The following SETDB1 variants were observed in gnomAD, a reference collection of about 807,000 sequenced individuals.
The protein encoded by SETDB1 is histone-lysine N-methyltransferase SETDB1.
SETDB1 carries 31 observed loss-of-function variants against 137.4 expected under a neutral mutation model. The ratio of observed to expected loss-of-function variants is 0.23; its 90% CI spans 0.17 to 0.30. SETDB1 has a LOEUF of 0.30. Among genes scored for constraint, SETDB1 ranks in the 10% least tolerant of loss-of-function variants. SETDB1 has a pLI of 1.00. For synonymous variants in SETDB1, 548 were observed against 579.9 expected (o/e 0.95, Z 0.79); for missense variants, 1,113 against 1,631.5 (o/e 0.68, Z 5.47).
intron 1 of SETDB1, 26 bp downstream of exon 1, chr1:150,926,543 T>TAAAAA: frequency 2.7e-6 from 1 of 363,758 alleles, no homozygotes; most frequent in South Asian, 2.1e-5. Context: ...TTGAGTTATT[T>TAAAAA]GGTGACCAAA....
intron 14 of SETDB1, among the ~76,000 whole-genome samples, chr1:150,954,134 G>C (rs587743654): frequency 6.6e-6 from 1 of 152,142 alleles, no homozygotes; most frequent in African/African-American, 2.4e-5. Context: ...GATTACAGGC[G>C]TGAGCCACCG....
intron 18 of SETDB1, 64 bp from the exon 19 acceptor site, chr1:150,962,910 A>G (rs1670867722): frequency 1.3e-6 from 2 of 1,569,092 alleles, no homozygotes; most frequent in Non-Finnish European, 1.7e-6. Flanking sequence ...CGTGGGTAAC[A>G]GCAAGGACTT....
intron 10 of SETDB1, among the ~76,000 whole-genome samples, chr1:150,948,357 G>A (rs377349551): frequency 1.1e-3 from 153 of 143,582 alleles, no homozygotes; most frequent in African/African-American, 3.6e-3. Context: ...TGCAACCTCC[G>A]CCTCCCGGGT....
intron 16 of SETDB1, chr1:150,961,396 T>A: frequency 1.8e-6 from 1 of 549,826 alleles, no homozygotes; most frequent in Non-Finnish European, 3.2e-6. Context: ...CTCACACCTG[T>A]AATCCCAACA....
At position 150,960,937 on chromosome 1, in the gene SETDB1, G is replaced by A; in HGVS notation, c.2878G>A (p.Val960Ile). 1 of 1,613,558 alleles carries A rather than the reference G, an allele frequency of 6.2e-7. No homozygotes were observed. Among genetic ancestry groups the A allele is most frequent in the Non-Finnish European group, 8.5e-7 (1 of 1,179,898 alleles). The change falls in exon 16 of 22, where the codon GTT becomes ATT. Residue 960 changes from valine to isoleucine, a missense_variant. By Grantham distance (29) the Val-to-Ile change is conservative. This residue lies in a region of SETDB1 where 373 missense variants were observed against 412.7 expected (regional missense o/e 0.90). Transcript: ENST00000692827. ...AGATCTTGGACCCCCACATATTCCTGTTCCTCCCTCAATCCCTGTAGGTGG... is the reference window on the plus strand; with the variant it reads ...AGATCTTGGACCCCCACATATTCCTATTCCTCCCTCAATCCCTGTAGGTGG... The part of the protein sequence containing the change: ...PPDLGPPHIP[V>I]PPSIPVGGCN...
chr1:150,938,537 G>T (rs1670017370), intron 3 of SETDB1, among the ~76,000 whole-genome samples: 1 of 152,046 alleles, frequency 6.6e-6, no homozygotes, highest in South Asian at 2.1e-4. Flanking sequence ...TCGCTCTGTA[G>T]CCCAGGCTGG....
At chr1:150,940,303 C>A (rs1268557809) in intron 4 of SETDB1, among the ~76,000 whole-genome samples, 1 of 151,996 alleles carries the variant, frequency 6.6e-6, no homozygotes, top group African/African-American at 2.4e-5. Flanking sequence ...CATTGGCTCA[C>A]GACTGTAATC....
At chr1:150,943,076 AG>A in intron 7 of SETDB1, 23 bp downstream of exon 7, 1 of 1,577,734 alleles carries the variant, frequency 6.3e-7, no homozygotes, top group Non-Finnish European at 8.7e-7. Context: ...AGGACTGTAA[AG>A]GGGTAGAGGC....
Position 150,963,064 on chromosome 1 carries a change from G to A in SETDB1, c.3385G>A (p.Val1129Ile), listed in dbSNP as rs754156593. ...TGCTGGTCAGACTTCGGCTACAGCG[G>A]TTGACAGTGATGATATCCAGACCAT... is the stretch of plus-strand genomic sequence containing the variant. ...PTAGQTSATA[V>I]DSDDIQTISS... The change falls in exon 19 of 22, where the codon GTT (valine) becomes ATT (isoleucine). Residue 1129 changes from valine (V) to isoleucine (I), a missense_variant. Around this residue, in one of 11 missense-constraint regions of SETDB1, gnomAD observed 373 missense variants for 412.7 expected, o/e 0.90. Coordinates refer to ENST00000692827, the MANE Select transcript of SETDB1 (RefSeq NM_001366418.1). 6.2e-7 allele frequency: 1 copy of A among 1,614,238 alleles called. No homozygotes were observed. The highest frequency in any genetic ancestry group is 8.5e-7 in the Non-Finnish European group (1 of 1,180,046).
At chr1:150,949,585 A>C (rs1670438237) in intron 12 of SETDB1, 60 bp downstream of exon 12, 1 of 1,514,688 alleles carries the variant, frequency 6.6e-7, no homozygotes, top group East Asian at 2.3e-5. Flanking sequence ...TGTGTAGGGG[A>C]AGGTTCCTTG....
At chr1:150,956,697 C>G (rs944839470) in intron 14 of SETDB1, among the ~76,000 whole-genome samples, 2 of 151,126 alleles carry the variant, frequency 1.3e-5, no homozygotes, top group African/African-American at 4.9e-5. Context: ...TATTACGTTT[C>G]AATAATCTTT....
rs745348015 is a variant in SETDB1, at chr1:150,927,981, A to G, written c.260+7A>G. 4 of 1,612,276 alleles carry G rather than the reference A, an allele frequency of 2.5e-6. No individual in the cohort carries two copies. The Admixed American group carries it at 5.0e-5, about 20-fold the overall frequency. On this transcript the variant is annotated splice_region_variant and intron_variant, in intron 2 of 21. Coordinates refer to ENST00000692827, the MANE Select transcript of SETDB1 (RefSeq NM_001366418.1). ...TCTTTGATGATGCATCCAGGTGAGA[A>G]CTCCATGGAAAATAGAAGGAAATCT... is the stretch of plus-strand genomic sequence containing the variant.
In SETDB1 at chr1:150,960,689, G is replaced by C; in HGVS notation, c.2630G>C (p.Cys877Ser). The C allele has an allele frequency of 6.2e-7, 1 of 1,612,588 alleles. No individual in the cohort carries two copies. Among genetic ancestry groups the C allele is most frequent in the Non-Finnish European group, 8.5e-7 (1 of 1,179,366 alleles). Residue 877 changes from cysteine (C) to serine (S), a missense_variant, in exon 16 of 22, where the codon TGT (cysteine) becomes TCT (serine). Transcript: ENST00000692827. ...FKEGYESDAP[C>S]SSDSSGVDLK... Reference sequence around the variant, plus strand: ...GAAGGATATGAGAGTGATGCCCCCTGTTCCTCTGACAGCAGTGGTGTAGAC... The same window carrying C: ...GAAGGATATGAGAGTGATGCCCCCTCTTCCTCTGACAGCAGTGGTGTAGAC...
chr1:150,962,841 C>T (rs525676), intron 18 of SETDB1, 122 bp downstream of exon 18: 47,821 of 1,448,962 alleles, frequency 0.033, 1,002 homozygotes, highest in Non-Finnish European at 0.04. Context: ...GACTTCCTGC[C>T]TTATTTTCTT....
intron 1 of SETDB1, chr1:150,926,844 C>T (rs1291080126): frequency 1.9e-6 from 1 of 533,318 alleles, no homozygotes; most frequent in Non-Finnish European, 3.8e-6. Flanking sequence ...CTTTACTTCT[C>T]TGTACTTTGG....
chr1:150,953,795 C>CT (rs1430154285), intron 14 of SETDB1, among the ~76,000 whole-genome samples: 10 of 151,904 alleles, frequency 6.6e-5, no homozygotes, highest in Admixed American at 3.9e-4. Flanking sequence ...CACCACTGCA[C>CT]TCCAGTCTGG....
chr1:150,934,914 C>T (rs1669900794), intron 3 of SETDB1, among the ~76,000 whole-genome samples: 1 of 151,948 alleles, frequency 6.6e-6, no homozygotes, highest in Non-Finnish European at 1.5e-5. Context: ...CTCCACCTTC[C>T]AGGTTCAAGC....
intron 3 of SETDB1, among the ~76,000 whole-genome samples, chr1:150,934,342 G>A (rs991420366): frequency 2.0e-5 from 3 of 151,906 alleles, no homozygotes; most frequent in East Asian, 1.9e-4. Context: ...GCGTAGTGGC[G>A]GGCACCTGTA....
chr1:150,953,526 C>CAAAAAAAAAAAA (rs71580345), intron 14 of SETDB1, among the ~76,000 whole-genome samples: 1 of 139,758 alleles, frequency 7.2e-6, no homozygotes, highest in African/African-American at 2.7e-5. Flanking sequence ...AATTCTATCT[C>CAAAAAAAAAAAA]AAAAAAAAAA....
Sources: allele counts gnomAD v4.1 joint callset (sites outside exome capture counted in the v4.1 genomes callset), GRCh38; gene constraint gnomAD v4.1.1; regional missense constraint gnomAD v4.1.1; transcripts MANE v1.5; gene names NCBI Gene and HGNC (gene_info 2026-07-23, HGNC 2026-07-21).